The following KRT33B variants were observed in gnomAD, a reference collection of about 807,000 sequenced individuals.
The protein encoded by KRT33B is keratin, type I cuticular Ha3-II.
A neutral mutation model predicts 42.7 loss-of-function variants in KRT33B; 37 were observed. That is an observed-to-expected ratio of 0.87 (90% CI 0.67 to 1.14). The LOEUF is 1.14. KRT33B is among the 50% of genes most tolerant of loss of function. The pLI is 0.00. For missense variants in KRT33B, 523 were observed against 515.1 expected, an observed-to-expected ratio of 1.02 and a Z score of -0.15; for synonymous variants, 237 against 221.2, an observed-to-expected ratio of 1.07 and a Z score of -0.63.
At chr17:41,366,080 A>C (rs1229574056) in intron 3 of KRT33B, among the ~76,000 whole-genome samples, 3 of 151,104 alleles carry the variant, frequency 2.0e-5, no homozygotes, top group Admixed American at 2.0e-4. Context: ...TCATCCATCT[A>C]TCCATTTATC....
intron 3 of KRT33B, 62 bp from the exon 4 acceptor site, chr17:41,365,615 G>A (rs2017691053): frequency 6.4e-6 from 10 of 1,557,704 alleles, no homozygotes; most frequent in Non-Finnish European, 8.7e-6. Context: ...CTTCTTTGAG[G>A]CAGTTCAATA....
At chr17:41,368,594 C>T (rs554996439) in intron 1 of KRT33B, among the ~76,000 whole-genome samples, 1 of 151,314 alleles carries the variant, frequency 6.6e-6, no homozygotes, top group East Asian at 1.9e-4. Context: ...AGTACATTAT[C>T]CCCCACCCCA....
chr17:41,365,537 C>A lies in KRT33B; in HGVS notation c.605G>T (p.Arg202Leu). The change falls in exon 4 of 7, where the codon CGC (arginine) becomes CTC (leucine). Residue 202 changes from arginine to leucine, a missense_variant. Physicochemically the swap from Arg to Leu is moderately radical, Grantham distance 102. Transcript: ENST00000251646. Reference protein sequence around the residue: ...QNHEQEVNTLRCQLGDRLNVE... With the variant: ...QNHEQEVNTLLCQLGDRLNVE... ...GTTGAGGCGGTCTCCAAGCTGGCAGCGCAAGGTGTTGACTTCCTAATGGAG... is the reference window on the plus strand; with the variant it reads ...GTTGAGGCGGTCTCCAAGCTGGCAGAGCAAGGTGTTGACTTCCTAATGGAG... 1 of 1,611,098 alleles carries A rather than the reference C, an allele frequency of 6.2e-7. No individual in the cohort carries two copies. The highest frequency in any genetic ancestry group is 1.4e-5 in the African/African-American group (1 of 73,660).
rs770564366 is a variant in KRT33B at position 41,366,472 on chromosome 17, G to T, written c.586C>A (p.Gln196Lys). 1 of 1,612,252 alleles carries T rather than the reference G, an allele frequency of 6.2e-7. No homozygotes were observed. The change falls in exon 3 of 7, where the codon CAG becomes AAG. Residue 196 changes from glutamine (Q) to lysine (K), a missense_variant and splice_region_variant. Coordinates refer to ENST00000251646, the MANE Select transcript of KRT33B (RefSeq NM_002279.5). The stretch of plus-strand genomic sequence containing the variant: ...ATATTGGGGGCTGGGACTCTTACCT[G>T]CTCATGGTTCTGCTTGAGGGACAGC... ...ELLSLKQNHE[Q>K]EVNTLRCQLG...
chr17:41,369,041 T>C (rs1447682821), intron 1 of KRT33B, among the ~76,000 whole-genome samples: 1 of 151,420 alleles, frequency 6.6e-6, no homozygotes, highest in East Asian at 1.9e-4. Flanking sequence ...ACTTAGGAAA[T>C]TCTTAGCATA....
At chr17:41,368,446 AC>A (rs962593636) in intron 1 of KRT33B, among the ~76,000 whole-genome samples, 4 of 151,280 alleles carry the variant, frequency 2.6e-5, no homozygotes, top group African/African-American at 7.4e-5. Context: ...GAATGCCCTC[AC>A]CCACTAGCAA....
Position 41,364,948 on chromosome 17 carries a change from G to A in KRT33B, c.928C>T (p.Gln310Ter). The change falls in exon 6 of 7, where the codon CAG becomes TAG. Residue 310 changes from glutamine to a stop codon, truncating the protein, a stop_gained. Coordinates refer to ENST00000251646, the MANE Select transcript of KRT33B (RefSeq NM_002279.5). LOFTEE classifies it high-confidence loss of function. ...ATCAGGCTCTGCACCTGGGACAGCT[G>A]GGAGCTGTAGCGGGCCTCGCTCTCT... ...LTESEARYSS[Q>*]LSQVQSLITN... 1 of 1,613,440 alleles carries A rather than the reference G, an allele frequency of 6.2e-7. No homozygotes were observed. The highest frequency in any genetic ancestry group is 8.5e-7 in the Non-Finnish European group (1 of 1,180,050).
At chr17:41,367,364 C>G (rs192374728) in intron 2 of KRT33B, among the ~76,000 whole-genome samples, 1 of 151,258 alleles carries the variant, frequency 6.6e-6, no homozygotes, top group African/African-American at 2.5e-5. Context: ...TTACTCCAGA[C>G]GTTGGGTTGA....
At position 41,369,676 on chromosome 17, in the gene KRT33B, G is replaced by A. The variant is rs1355164134; in HGVS notation, c.75C>T (p.Ser25=). 5.0e-6 allele frequency: 8 copies of A among 1,614,002 alleles called. No individual in the cohort carries two copies. Among genetic ancestry groups the A allele is most frequent in the Non-Finnish European group, 6.8e-6 (8 of 1,179,984 alleles). ...CCCCGGGCAGGGTGTAGCCGTGGCA[G>A]CTGGGGGGCACACAGGGCCGGGAGG... ...SCSSRPCVPP[S]CHGYTLPGAC... is the part of the protein sequence containing the mutation. Residue 25 remains serine (S), a synonymous_variant, in exon 1 of 7, where the codon AGC becomes AGT. Transcript: ENST00000251646.
chr17:41,368,010 TGAAATGGGTTATACTAA>T lies in KRT33B; in HGVS notation c.349-37_349-21del. The T allele has an allele frequency of 1.2e-6, 2 of 1,609,180 alleles. No individual in the cohort carries two copies. Among genetic ancestry groups the T allele is most frequent in the Non-Finnish European group, 1.7e-6 (2 of 1,176,930 alleles). On this transcript the variant is annotated intron_variant, in intron 1 of 6. Transcript: ENST00000251646. ...CAGGATCTGGGGATAGGATTAATCA[TGAAATGGGTTATACTAA>T]GAAATGCCTTGTGCCTTAAAGTGAA...
chr17:41,366,685 C>G (rs939937403), intron 2 of KRT33B, 59 bp from the exon 3 acceptor site: 12 of 1,498,452 alleles, frequency 8.0e-6, no homozygotes, highest in Admixed American at 6.8e-5. Context: ...TGTTTCCCGG[C>G]CTTTACTTGG....
At position 41,364,834 on chromosome 17, in the gene KRT33B, G is replaced by A. The variant is rs61741661; in HGVS notation, c.1042C>T (p.Arg348Trp). Residue 348 changes from arginine to tryptophan, a missense_variant, in exon 6 of 7, where the codon CGG becomes TGG. Coordinates refer to ENST00000251646, the MANE Select transcript of KRT33B (RefSeq NM_002279.5). ...TATGTGTTGATCTCACACTCCAGCC[G>A]CGCCCGCACGTCCAGCAGCACCTGA... ...EYQVLLDVRARLECEINTYRS... is the reference protein window; with the variant it reads ...EYQVLLDVRAWLECEINTYRS... 219 of 1,612,108 alleles carry A rather than the reference G, an allele frequency of 1.4e-4. 11 individuals carry two copies. The African/African-American group carries it at 2.9e-3, about 21-fold the overall frequency.
intron 2 of KRT33B, 113 bp downstream of exon 2, chr17:41,367,795 C>T (rs2144300775): frequency 1.1e-6 from 1 of 895,780 alleles, no homozygotes. Context: ...TAACCCAATG[C>T]AAGAATCCTC....
chr17:41,367,010 C>T (rs1567671386), intron 2 of KRT33B, among the ~76,000 whole-genome samples: 1 of 151,332 alleles, frequency 6.6e-6, no homozygotes, highest in Non-Finnish European at 1.5e-5. Context: ...GTGGAAGAAA[C>T]ACTGAATTCA....
chr17:41,367,379 G>A (rs2017714052), intron 2 of KRT33B, among the ~76,000 whole-genome samples: 2 of 151,322 alleles, frequency 1.3e-5, no homozygotes, highest in Admixed American at 1.3e-4. Context: ...GGTTGAAAAG[G>A]AGTAAGAATG....
In KRT33B at chr17:41,365,376, G is replaced by A. The variant is rs371331851; in HGVS notation, c.750+16C>T. 3 of 1,609,428 alleles carry A rather than the reference G, an allele frequency of 1.9e-6. No individual in the cohort carries two copies. In the African/African-American group the frequency reaches 4.1e-5, roughly 22 times the overall value. ...GGGGCCTCGGGTCCTGAGTGGCCAC[G>A]TGCTTAGATGCCCACCTGCGTGGCG... On this transcript the variant is annotated intron_variant, in intron 4 of 6. Coordinates refer to ENST00000251646, the MANE Select transcript of KRT33B (RefSeq NM_002279.5).
Position 41,365,214 on chromosome 17 carries a change from G to A in KRT33B, c.837C>T (p.Val279=). 6.2e-7 allele frequency: 1 copy of A among 1,611,962 alleles called. No individual in the cohort carries two copies. Among genetic ancestry groups the A allele is most frequent in the African/African-American group, 1.4e-5 (1 of 74,040 alleles). The part of the protein sequence containing the change: ...QAEIIELRRT[V]NALEIELQAQ... ...CCTGCAGCTCGATCTCCAGGGCATT[G>A]ACTGTGCGTCTCAGCTCGATGATCT... The change falls in exon 5 of 7, where the codon GTC becomes GTT. Residue 279 remains valine, a synonymous_variant. Coordinates refer to ENST00000251646, the MANE Select transcript of KRT33B (RefSeq NM_002279.5).
Position 41,366,594 on chromosome 17 carries a change from A to G in KRT33B, c.464T>C (p.Val155Ala), listed in dbSNP as rs759927301. 1 of 1,611,974 alleles carries G rather than the reference A, an allele frequency of 6.2e-7. No individual in the cohort carries two copies. Residue 155 changes from valine (V) to alanine (A), a missense_variant, in exon 3 of 7, where the codon GTG (valine) becomes GCG (alanine). Physicochemically the swap from Val to Ala is moderately conservative, Grantham distance 64. Coordinates refer to ENST00000251646, the MANE Select transcript of KRT33B (RefSeq NM_002279.5). ...YQTEQSLRQL[V>A]ESDINSLRRI... ...GCGCAGGCTGTTGATGTCGGACTCCACCAGCTGCCGCAGGGACTGCTCCGT... is the reference window on the plus strand; with the variant it reads ...GCGCAGGCTGTTGATGTCGGACTCCGCCAGCTGCCGCAGGGACTGCTCCGT...
Position 41,369,494 on chromosome 17 carries a change from T to C in KRT33B, c.257A>G (p.Asn86Ser), listed in dbSNP as rs778949567. 2 of 1,613,850 alleles carry C rather than the reference T, an allele frequency of 1.2e-6. No homozygotes were observed. The highest frequency in any genetic ancestry group is 8.5e-7 in the Non-Finnish European group (1 of 1,180,032). The part of the protein sequence containing the change: ...QLERDNAELE[N>S]LIRERSQQQE... ...CTGCTGAGACCGCTCCCGGATGAGG[T>C]TCTCCAGCTCCGCGTTGTCCCGCTC... The change falls in exon 1 of 7, where the codon AAC becomes AGC. Residue 86 changes from asparagine to serine, a missense_variant. Asn to Ser is a conservative substitution (Grantham distance 46, BLOSUM62 1). Transcript: ENST00000251646.
Sources: gnomAD v4.1 joint callset for allele counts (sites outside exome capture counted in the v4.1 genomes callset) on GRCh38, gnomAD v4.1.1 for gene constraint, MANE v1.5 for transcripts, NCBI Gene and HGNC (gene_info 2026-07-23, HGNC 2026-07-21) for gene names.